GSG1L: variants seen among roughly 807,000 people sequenced by gnomAD.
GSG1L encodes the protein germ cell-specific gene 1-like protein.
GSG1L carries 24 observed loss-of-function variants against 42.1 expected under a neutral mutation model. The observed-to-expected ratio is 0.57, with a 90% confidence interval of 0.41 to 0.80. GSG1L has a LOEUF of 0.80. GSG1L is among the 30% of genes least tolerant of loss of function. The pLI is 0.00. For synonymous variants in GSG1L, 215 were observed against 203.5 expected (o/e 1.06, Z -0.48); for missense variants, 445 against 472.2 (o/e 0.94, Z 0.53).
Position 28,063,574 on chromosome 16 carries a change from GC to G in GSG1L, c.-151del, listed in dbSNP as rs1000660059. ...GGCGGCGGACGCGGCGCGGGCCCAT[GC>G]CCCCCCCAACCCCGGGGTGGGGGCG... On this transcript the variant is annotated 5_prime_UTR_variant, in exon 1 of 7. Transcript: ENST00000447459. The surrounding 1 kb of genome is among the most constrained non-coding windows in gnomAD (Gnocchi z 5.8). 1.5e-4 allele frequency: 37 copies of G among 242,674 alleles called. No individual in the cohort carries two copies. Among genetic ancestry groups the G allele is most frequent in the Non-Finnish European group, 1.9e-4 (28 of 150,828 alleles). The allele number at this position is 242,674 out of a possible 1,614,324, so 15.0% of individuals were successfully genotyped here.
rs769351362 is a variant in GSG1L at position 27,789,382 on chromosome 16, G to A, written c.*1988C>T. The A allele has an allele frequency of 6.6e-6, 1 of 151,650 alleles. No homozygotes were observed. Among genetic ancestry groups the A allele is most frequent in the Non-Finnish European group, 1.5e-5 (1 of 67,886 alleles). 9.4% of individuals were successfully genotyped at this position (151,650 alleles called of 1,614,324 possible). A position where few individuals can be genotyped will look rare whatever the true frequency, so the allele number is the denominator to read the frequency against. ...ATGGATGGTTGATGGATAATGGGCA[G>A]ATGGAGGGATGAATGGATGAGTGGA... On this transcript the variant is annotated 3_prime_UTR_variant, in exon 7 of 7. Transcript: ENST00000447459.
At chr16:27,798,744 C>T (rs1375749988) in intron 6 of GSG1L, among the ~76,000 whole-genome samples, 1 of 152,098 alleles carries the variant, frequency 6.6e-6, no homozygotes, top group Non-Finnish European at 1.5e-5. Flanking sequence ...TATTTTGACA[C>T]CTGCCCCAAG....
At chr16:27,974,221 T>C (rs1432536701) in intron 1 of GSG1L, among the ~76,000 whole-genome samples, 2 of 152,048 alleles carry the variant, frequency 1.3e-5, no homozygotes, top group African/African-American at 4.8e-5. Context: ...GAGGAGAAGA[T>C]GTTTGGGGAT....
chr16:27,997,427 C>T (rs919092364), intron 1 of GSG1L, among the ~76,000 whole-genome samples: 1 of 137,682 alleles, frequency 7.3e-6, no homozygotes, highest in African/African-American at 2.7e-5. Context: ...TCAAGCAATT[C>T]TCCTGCCTCA....
chr16:27,999,156 G>A (rs189153171), intron 1 of GSG1L, among the ~76,000 whole-genome samples: 2 of 152,288 alleles, frequency 1.3e-5, no homozygotes, highest in Admixed American at 1.3e-4. Flanking sequence ...AATAATCAAT[G>A]ATTGGGTCAG....
intron 1 of GSG1L, among the ~76,000 whole-genome samples, chr16:27,979,663 G>GAA (rs35672057): frequency 0.25 from 20,653 of 83,814 alleles, 3,866 homozygotes; most frequent in East Asian, 0.42. Context: ...AAGAAAGAAA[G>GAA]AGAGAGAGAG....
At chr16:27,806,219 A>G (rs976403327) in intron 6 of GSG1L, among the ~76,000 whole-genome samples, 9 of 152,114 alleles carry the variant, frequency 5.9e-5, no homozygotes, top group Non-Finnish European at 1.3e-4. Flanking sequence ...GGTTCACTTC[A>G]GCACCATCTC....
At chr16:28,041,141 G>A (rs943931135) in intron 1 of GSG1L, among the ~76,000 whole-genome samples, 1 of 152,142 alleles carries the variant, frequency 6.6e-6, no homozygotes, top group Non-Finnish European at 1.5e-5. Context: ...ATCCCTGATA[G>A]CTATCAGGAT....
chr16:27,943,957 AAGGAGTGGG>A (rs2141086423), intron 2 of GSG1L, among the ~76,000 whole-genome samples: 1 of 152,246 alleles, frequency 6.6e-6, no homozygotes, highest in Non-Finnish European at 1.5e-5. Flanking sequence ...ACCATACGTA[AAGGAGTGGG>A]AGTTGCTGTG....
chr16:27,908,324 G>C (rs772162611), intron 2 of GSG1L, among the ~76,000 whole-genome samples: 30 of 152,340 alleles, frequency 2.0e-4, no homozygotes, highest in Admixed American at 1.3e-4. Context: ...CACCCCACAT[G>C]TTGAAGCAGT....
chr16:27,943,987 A>G (rs1211387467), intron 2 of GSG1L, among the ~76,000 whole-genome samples: 8 of 152,070 alleles, frequency 5.3e-5, no homozygotes, highest in Non-Finnish European at 8.8e-5. Context: ...TTCTGATAAA[A>G]CTTTATTTAC....
intron 2 of GSG1L, among the ~76,000 whole-genome samples, chr16:27,886,155 A>G (rs1024278582): frequency 6.6e-6 from 1 of 152,014 alleles, no homozygotes; most frequent in Non-Finnish European, 1.5e-5. Flanking sequence ...AAATGGGGGT[A>G]ATGGCTGGGC....
chr16:28,029,757 T>C (rs1167002951), intron 1 of GSG1L, among the ~76,000 whole-genome samples: 3 of 152,168 alleles, frequency 2.0e-5, no homozygotes, highest in Non-Finnish European at 2.9e-5. Context: ...GGATGGATGA[T>C]GGATGAGCAA....
At chr16:27,931,180 G>A (rs4788010) in intron 2 of GSG1L, among the ~76,000 whole-genome samples, 28,122 of 152,094 alleles carry the variant, frequency 0.18, 3,105 homozygotes, top group East Asian at 0.32. Context: ...CTCTTCGTGG[G>A]GCCAATCAAA....
intron 5 of GSG1L, among the ~76,000 whole-genome samples, chr16:27,811,126 C>T (rs1332475564): frequency 6.6e-6 from 1 of 152,190 alleles, no homozygotes; most frequent in Non-Finnish European, 1.5e-5. Flanking sequence ...ATGGGATCAA[C>T]ATTGTTAGCA....
chr16:27,807,776 G>A (rs1419516876), intron 5 of GSG1L, among the ~76,000 whole-genome samples: 1 of 152,188 alleles, frequency 6.6e-6, no homozygotes, highest in Non-Finnish European at 1.5e-5. Flanking sequence ...TGGAGGTGAT[G>A]TGACCAACCC....
chr16:27,903,278 C>T (rs917991964), intron 2 of GSG1L, among the ~76,000 whole-genome samples: 1 of 152,064 alleles, frequency 6.6e-6, no homozygotes, highest in Non-Finnish European at 1.5e-5. Flanking sequence ...CAGGGAGCAA[C>T]GTGGTCGGAC....
chr16:27,892,309 G>A (rs1364713144), intron 2 of GSG1L, among the ~76,000 whole-genome samples: 1 of 151,862 alleles, frequency 6.6e-6, no homozygotes, highest in African/African-American at 2.4e-5. Context: ...TTAAAAATTA[G>A]CCAGGCATGG....
At chr16:27,905,228 T>C (rs1207004549) in intron 2 of GSG1L, among the ~76,000 whole-genome samples, 1 of 152,168 alleles carries the variant, frequency 6.6e-6, no homozygotes, top group Non-Finnish European at 1.5e-5. Context: ...CCCAGTACTC[T>C]GTTTCTTAAC....
Sources: allele counts gnomAD v4.1 joint callset (sites outside exome capture counted in the v4.1 genomes callset), GRCh38; gene constraint gnomAD v4.1.1; non-coding constraint Gnocchi (gnomAD v3.1); transcripts MANE v1.5; gene names NCBI Gene and HGNC (gene_info 2026-07-23, HGNC 2026-07-21).